The following MYH1 variants were observed in gnomAD, a reference collection of about 807,000 sequenced individuals.
MYH1 encodes the protein myosin heavy chain 1, also known as myosin-1.
Under a neutral mutation model 225.6 loss-of-function variants are expected in MYH1, and 214 were observed. The ratio of observed to expected loss-of-function variants is 0.95; its 90% CI spans 0.85 to 1.06. The LOEUF (loss-of-function observed/expected upper bound fraction) is 1.06. Among genes scored for constraint, MYH1 ranks in the 50% least tolerant of loss-of-function variants. The pLI, the probability that MYH1 is intolerant of heterozygous loss-of-function variation, is 0.00. For synonymous variants in MYH1, 774 were observed against 842.3 expected (o/e 0.92, Z 1.40); for missense variants, 2,098 against 2,344.2 (o/e 0.89, Z 2.17).
At position 10,492,558 on chromosome 17, in the gene MYH1, G is replaced by A. The variant is rs746337549; in HGVS notation, c.5678C>T (p.Ser1893Phe). 9 of 1,612,700 alleles carry A rather than the reference G, an allele frequency of 5.6e-6. No individual in the cohort carries two copies. Among genetic ancestry groups the A allele is most frequent in the Non-Finnish European group, 7.6e-6 (9 of 1,179,624 alleles). Residue 1893 changes from serine (S) to phenylalanine (F), a missense_variant, in exon 40 of 40, where the codon TCC becomes TTC. Ser to Phe is a radical substitution (Grantham distance 155, BLOSUM62 -2). Transcript: ENST00000226207. ...KRQAEEAEEQ[S>F]NVNLSKFRRI... Reference sequence around the variant, plus strand: ...GCGGAATTTGGAGAGGTTGACGTTGGATTGTTCCTCCTGTGAATGGAAATC... The same window carrying A: ...GCGGAATTTGGAGAGGTTGACGTTGAATTGTTCCTCCTGTGAATGGAAATC...
Position 10,513,856 on chromosome 17 carries a change from C to A in MYH1, c.706G>T (p.Ala236Ser). Residue 236 changes from alanine to serine, a missense_variant, in exon 8 of 40, where the codon GCC becomes TCC. Coordinates refer to ENST00000226207, the MANE Select transcript of MYH1 (RefSeq NM_005963.4). The part of the protein sequence containing the change: ...ANPLLEAFGN[A>S]KTVRNDNSSR... ...GAGTTGTCATTCCTCACGGTCTTGGCGTTGCCAAAGGCCTCCAGTAGGGGG... is the reference window on the plus strand; with the variant it reads ...GAGTTGTCATTCCTCACGGTCTTGGAGTTGCCAAAGGCCTCCAGTAGGGGG... 1 of 1,614,152 alleles carries A rather than the reference C, an allele frequency of 6.2e-7. No homozygotes were observed. The highest frequency in any genetic ancestry group is 8.5e-7 in the Non-Finnish European group (1 of 1,179,996).
rs745461898 is a variant in MYH1 at position 10,495,230 on chromosome 17, G to A, written c.5257C>T (p.Arg1753Cys). ...TTCTTGGCCTTCTCTTCTGCATTGC[G>A]GGCTTCCTGGATGATGTCTTCCATC... The part of the protein sequence containing the change: ...GEMEDIIQEA[R>C]NAEEKAKKAI... The change falls in exon 36 of 40, where the codon CGC becomes TGC. Residue 1753 changes from arginine to cysteine, a missense_variant. Transcript: ENST00000226207. 8 of 1,613,980 alleles carry A rather than the reference G, an allele frequency of 5.0e-6. No individual in the cohort carries two copies. Among genetic ancestry groups the A allele is most frequent in the East Asian group, 2.2e-5 (1 of 44,884 alleles).
rs1351296622 is a variant in MYH1, at chr17:10,515,936, G to A, written c.495C>T (p.Phe165=). 8.1e-6 allele frequency: 13 copies of A among 1,614,056 alleles called. No homozygotes were observed. Among genetic ancestry groups the A allele is most frequent in the Non-Finnish European group, 1.1e-5 (13 of 1,180,034 alleles). ...AGCTGAGCCACTCACCAGTCAGCAT[G>A]AACTGATAGGCATTGTCAGAGATGG... ...IFSISDNAYQ[F]MLTDRENQSI... Residue 165 remains phenylalanine, a synonymous_variant, in exon 5 of 40, where the codon TTC becomes TTT. Transcript: ENST00000226207.
rs2073176169 is a variant in MYH1, at chr17:10,512,159, T to C, written c.1181A>G (p.Asn394Ser). The C allele has an allele frequency of 6.2e-7, 1 of 1,613,886 alleles. No individual in the cohort carries two copies. The highest frequency in any genetic ancestry group is 1.3e-5 in the African/African-American group (1 of 74,834). The change falls in exon 13 of 40, where the codon AAC becomes AGC. Residue 394 changes from asparagine to serine, a missense_variant. Transcript: ENST00000226207. ...GAGGGCTTTGAGCAGATCTGCAGAG[T>C]TCAGATTTTGGAGATAGGCTGCCTT... is the stretch of plus-strand genomic sequence containing the variant. Reference protein sequence around the residue: ...ADKAAYLQNLNSADLLKALCY... With the variant: ...ADKAAYLQNLSSADLLKALCY...
At chr17:10,499,587 C>A (rs902184128) in intron 28 of MYH1, among the ~76,000 whole-genome samples, 2 of 152,188 alleles carry the variant, frequency 1.3e-5, no homozygotes, top group African/African-American at 4.8e-5. Flanking sequence ...AAGTGGTCTC[C>A]CATCCCCAGA....
intron 14 of MYH1, among the ~76,000 whole-genome samples, chr17:10,509,882 T>G (rs1349758829): frequency 6.6e-6 from 1 of 152,138 alleles, no homozygotes; most frequent in Non-Finnish European, 1.5e-5. Context: ...TAAAAAAAAG[T>G]TGTTTGGAGC....
chr17:10,513,834 T>C lies in MYH1; in HGVS notation c.728A>G (p.Asn243Ser), dbSNP rs1465088250. Residue 243 changes from asparagine to serine, a missense_variant, in exon 8 of 40, where the codon AAC becomes AGC. By Grantham distance (46) the Asn-to-Ser change is conservative (BLOSUM62 1). Coordinates refer to ENST00000226207, the MANE Select transcript of MYH1 (RefSeq NM_005963.4). ...CAAGAGACTTACAAAGCGAGAGGAG[T>C]TGTCATTCCTCACGGTCTTGGCGTT... ...FGNAKTVRNDNSSRFGKFIRI... is the reference protein window; with the variant it reads ...FGNAKTVRNDSSSRFGKFIRI... The C allele has an allele frequency of 9.3e-6, 15 of 1,613,676 alleles. No individual in the cohort carries two copies. Among genetic ancestry groups the C allele is most frequent in the Non-Finnish European group, 1.2e-5 (14 of 1,179,888 alleles).
rs1240226033 is a variant in MYH1 at position 10,505,217 on chromosome 17, G to T, written c.2381C>A (p.Ala794Asp). 1 of 1,614,168 alleles carries T rather than the reference G, an allele frequency of 6.2e-7. No homozygotes were observed. Among genetic ancestry groups the T allele is most frequent in the Non-Finnish European group, 8.5e-7 (1 of 1,180,020 alleles). ...TCTTGCCAAGAACCCTCTGCACATG[G>T]CCTGGGTTCGGGTAATCAGCTGGGC... ...KLAQLITRTQ[A>D]MCRGFLARVE... is the part of the protein sequence containing the mutation. Residue 794 changes from alanine to aspartate, a missense_variant, in exon 21 of 40, where the codon GCC (alanine) becomes GAC (aspartate). Physicochemically the swap from Ala to Asp is moderately radical, Grantham distance 126. Coordinates refer to ENST00000226207, the MANE Select transcript of MYH1 (RefSeq NM_005963.4).
chr17:10,509,062 C>A (rs2073146555), intron 15 of MYH1, among the ~76,000 whole-genome samples: 1 of 152,098 alleles, frequency 6.6e-6, no homozygotes, highest in African/African-American at 2.4e-5. Flanking sequence ...AGGGGTGAGA[C>A]AAGGGAAACC....
chr17:10,511,815 G>C (rs755418137), intron 14 of MYH1, 24 bp downstream of exon 14: 2 of 1,613,830 alleles, frequency 1.2e-6, no homozygotes, highest in South Asian at 1.1e-5. Flanking sequence ...AAACTTTTTT[G>C]GTACAATTTT....
rs771314271 is a variant in MYH1 at position 10,498,645 on chromosome 17, C to T, written c.4162G>A (p.Glu1388Lys). ...ACATACTTGGCCTCCTCCAGCTCCT[C>T]TGTGCGCTGGATGGCATCTGTCTCA... ...KYETDAIQRT[E>K]ELEEAKKKLA... The change falls in exon 30 of 40, where the codon GAG becomes AAG. Residue 1388 changes from glutamate to lysine, a missense_variant. Transcript: ENST00000226207. The T allele has an allele frequency of 5.0e-6, 8 of 1,613,896 alleles. No homozygotes were observed. The highest frequency in any genetic ancestry group is 6.8e-6 in the Non-Finnish European group (8 of 1,179,888).
chr17:10,494,612 C>T lies in MYH1; in HGVS notation c.5528G>A (p.Gly1843Asp), dbSNP rs1597433456. ...CACTTTTCTCTCATGTTTGCGTAGA[C>T]CCTTGACAGCTTCAACATTGCGCTT... ...EQKRNVEAVK[G>D]LRKHERKVKE... The change falls in exon 38 of 40, where the codon GGT (glycine) becomes GAT (aspartate). Residue 1843 changes from glycine (G) to aspartate (D), a missense_variant. Transcript: ENST00000226207. 6.2e-7 allele frequency: 1 copy of T among 1,614,062 alleles called. No homozygotes were observed. The highest frequency in any genetic ancestry group is 1.1e-5 in the South Asian group (1 of 91,074).
intron 10 of MYH1, 21 bp from the exon 11 acceptor site, chr17:10,512,805 C>T: frequency 6.2e-7 from 1 of 1,610,972 alleles, no homozygotes. Flanking sequence ...GAATTCAGGG[C>T]ATATGTTTTA....
intron 24 of MYH1, among the ~76,000 whole-genome samples, chr17:10,502,269 A>C (rs1355404797): frequency 6.6e-6 from 1 of 152,178 alleles, no homozygotes; most frequent in African/African-American, 2.4e-5. Flanking sequence ...GTTCTCTATT[A>C]GATATCAGAT....
Position 10,505,071 on chromosome 17 carries a change from A to T in MYH1, c.2436-6T>A, listed in dbSNP as rs757564783. 19 of 1,614,068 alleles carry T rather than the reference A, an allele frequency of 1.2e-5. No individual in the cohort carries two copies. Among genetic ancestry groups the T allele is most frequent in the Non-Finnish European group, 1.3e-5 (15 of 1,179,970 alleles). On this transcript the variant is annotated splice_region_variant and splice_polypyrimidine_tract_variant and intron_variant, in intron 21 of 39. Transcript: ENST00000226207. ...GGATGCAGAAGATGGACTCTCTGTC[A>T]TAGGAACAGAAATGTCCAAATCAGA...
At chr17:10,508,825 C>G (rs2073143227) in intron 15 of MYH1, among the ~76,000 whole-genome samples, 153 bp from the exon 16 acceptor site, 1 of 152,180 alleles carries the variant, frequency 6.6e-6, no homozygotes, top group African/African-American at 2.4e-5. Flanking sequence ...TCATTAACTT[C>G]ACAAATATTT....
chr17:10,503,023 G>C lies in MYH1; in HGVS notation c.2917C>G (p.His973Asp). The C allele has an allele frequency of 6.2e-7, 1 of 1,613,854 alleles. No homozygotes were observed. The highest frequency in any genetic ancestry group is 8.5e-7 in the Non-Finnish European group (1 of 1,179,950). Reference sequence around the variant, plus strand: ...ATTGATACCTTGTTTTCTGTGGCATGTTTCTCCTTCTCAACCTTGGCCAGT... The same window carrying C: ...ATTGATACCTTGTTTTCTGTGGCATCTTTCTCCTTCTCAACCTTGGCCAGT... ...LTLAKVEKEK[H>D]ATENKVKNLT... Residue 973 changes from histidine (H) to aspartate (D), a missense_variant, in exon 23 of 40, where the codon CAT becomes GAT. His to Asp is a moderately conservative substitution (Grantham distance 81). Transcript: ENST00000226207.
At chr17:10,500,013 A>G (rs2073035378) in intron 28 of MYH1, among the ~76,000 whole-genome samples, 1 of 152,198 alleles carries the variant, frequency 6.6e-6, no homozygotes, top group South Asian at 2.1e-4. Context: ...TCAAAAATCT[A>G]CAAATCTTAC....
In MYH1 at chr17:10,512,113, G is replaced by A. The variant is rs556155732; in HGVS notation, c.1227C>T (p.Val409=). The A allele has an allele frequency of 4.6e-5, 75 of 1,614,180 alleles. No individual in the cohort carries two copies. The East Asian group carries it at 8.5e-4, about 18-fold the overall frequency. The part of the protein sequence containing the change: ...LKALCYPRVK[V]GNEYVTKGQT... ...GACCTTTGGTGACATACTCATTGCCGACCTTGACCCTAGGGTAGCAGAGGG... is the reference window on the plus strand; with the variant it reads ...GACCTTTGGTGACATACTCATTGCCAACCTTGACCCTAGGGTAGCAGAGGG... The change falls in exon 13 of 40, where the codon GTC becomes GTT. Residue 409 remains valine (V), a synonymous_variant. Transcript: ENST00000226207.
Sources: allele counts gnomAD v4.1 joint callset (sites outside exome capture counted in the v4.1 genomes callset), GRCh38; gene constraint gnomAD v4.1.1; transcripts MANE v1.5; gene names NCBI Gene and HGNC (gene_info 2026-07-23, HGNC 2026-07-21).